The following RPS6KA5 variants were observed in gnomAD, a reference collection of about 807,000 sequenced individuals.
RPS6KA5 encodes the protein ribosomal protein S6 kinase A5, also known as ribosomal protein S6 kinase alpha-5.
RPS6KA5 carries 27 observed loss-of-function variants against 85.5 expected under a neutral mutation model. The ratio of observed to expected loss-of-function variants is 0.32; its 90% CI spans 0.23 to 0.44. The LOEUF (loss-of-function observed/expected upper bound fraction) is 0.44. Among genes scored for constraint, RPS6KA5 ranks in the 20% least tolerant of loss-of-function variants. The pLI is 1.00. For missense variants in RPS6KA5, 811 were observed against 980.9 expected (o/e 0.83, Z 2.31); for synonymous variants, 334 against 348.2 (o/e 0.96, Z 0.46).
At chr14:90,946,599 T>C (rs2037884554) in intron 4 of RPS6KA5, among the ~76,000 whole-genome samples, 1 of 152,162 alleles carries the variant, frequency 6.6e-6, no homozygotes, top group Non-Finnish European at 1.5e-5. Flanking sequence ...ATAATCAGCA[T>C]TTCAATCTCT....
rs955325566 is a variant in RPS6KA5, at chr14:90,857,158, G to C, written c.*14916C>G. The C allele has an allele frequency of 6.6e-6, 1 of 151,894 alleles. No individual in the cohort carries two copies. The highest frequency in any genetic ancestry group is 2.4e-5 in the African/African-American group (1 of 41,358). 9.4% of individuals were successfully genotyped at this position (151,894 alleles called of 1,614,324 possible). A position where few individuals can be genotyped will look rare whatever the true frequency, so the allele number is the denominator to read the frequency against. ...ACTGTTATCTCTGGAATACGTCTTTGTAATAAAAAAAAATCCACTGGATAA... is the reference window on the plus strand; with the variant it reads ...ACTGTTATCTCTGGAATACGTCTTTCTAATAAAAAAAAATCCACTGGATAA... On this transcript the variant is annotated 3_prime_UTR_variant, in exon 17 of 17. Coordinates refer to ENST00000614987, the MANE Select transcript of RPS6KA5 (RefSeq NM_004755.4).
intron 7 of RPS6KA5, among the ~76,000 whole-genome samples, chr14:90,918,109 T>C (rs2036217157): frequency 6.6e-6 from 1 of 152,226 alleles, no homozygotes. Context: ...AGAAATTGCC[T>C]ATTTTCCAAA....
Position 90,922,972 on chromosome 14 carries a change from A to C in RPS6KA5, c.702+141T>G, listed in dbSNP as rs949431897. ...ATATCATAATGTGTTCAGGAATACA[A>C]AGCAAAAGAGAAAAAAAGGAAGGTA... On this transcript the variant is annotated intron_variant, in intron 6 of 16. Coordinates refer to ENST00000614987, the MANE Select transcript of RPS6KA5 (RefSeq NM_004755.4). 1.3e-5 allele frequency: 8 copies of C among 621,060 alleles called. No homozygotes were observed. In the African/African-American group the frequency reaches 1.5e-4, roughly 11 times the overall value. The allele number at this position is 621,060 out of a possible 1,614,324, so 38.5% of individuals were successfully genotyped here.
At position 90,862,907 on chromosome 14, in the gene RPS6KA5, T is replaced by C. The variant is rs940664514; in HGVS notation, c.*9167A>G. 3 of 146,128 alleles carry C rather than the reference T, an allele frequency of 2.1e-5. No individual in the cohort carries two copies. Among genetic ancestry groups the C allele is most frequent in the Non-Finnish European group, 4.5e-5 (3 of 66,238 alleles). The allele number at this position is 146,128 out of a possible 1,614,324, so 9.1% of individuals were successfully genotyped here. ...AAAATTGAAGAATAAAGAAGAAAAATACAAGATTATCTCAACAGAGGCAGA... is the reference window on the plus strand; with the variant it reads ...AAAATTGAAGAATAAAGAAGAAAAACACAAGATTATCTCAACAGAGGCAGA... On this transcript the variant is annotated 3_prime_UTR_variant, in exon 17 of 17. Coordinates refer to ENST00000614987, the MANE Select transcript of RPS6KA5 (RefSeq NM_004755.4).
chr14:91,022,519 A>AG (rs1418534878), intron 1 of RPS6KA5, among the ~76,000 whole-genome samples: 1 of 152,206 alleles, frequency 6.6e-6, no homozygotes, highest in Non-Finnish European at 1.5e-5. Context: ...CAGTTAAAGC[A>AG]GAAAAAAAAG....
rs1188276502 is a variant in RPS6KA5, at chr14:90,923,356, T to C, written c.619-160A>G. 4.8e-6 allele frequency: 3 copies of C among 619,364 alleles called. No homozygotes were observed. The East Asian group carries it at 8.4e-5, about 17-fold the overall frequency. The allele number at this position is 619,364 out of a possible 1,614,324, so 38.4% of individuals were successfully genotyped here. On this transcript the variant is annotated intron_variant, in intron 5 of 16. Coordinates refer to ENST00000614987, the MANE Select transcript of RPS6KA5 (RefSeq NM_004755.4). ...CTCTTCACTGGAACAGACCACTGTC[T>C]ACATAATATGAGTCCTGGGTATATG...
intron 1 of RPS6KA5, among the ~76,000 whole-genome samples, chr14:91,018,040 G>T (rs1405884098): frequency 6.6e-6 from 1 of 152,162 alleles, no homozygotes; most frequent in Non-Finnish European, 1.5e-5. Context: ...AAAGTCAACA[G>T]AAAACTACAA....
chr14:90,898,879 CT>C (rs984825919), intron 12 of RPS6KA5, among the ~76,000 whole-genome samples: 1 of 152,218 alleles, frequency 6.6e-6, no homozygotes, highest in African/African-American at 2.4e-5. Context: ...TTGCTTTCTG[CT>C]TCCTATTTGT....
chr14:90,960,229 C>T (rs956583638), intron 3 of RPS6KA5, among the ~76,000 whole-genome samples: 3 of 152,124 alleles, frequency 2.0e-5, no homozygotes, highest in South Asian at 2.1e-4. Context: ...GATGTCTTTA[C>T]GCCTCTTTGT....
At chr14:91,015,360 A>G (rs1370536996) in intron 1 of RPS6KA5, among the ~76,000 whole-genome samples, 4 of 152,188 alleles carry the variant, frequency 2.6e-5, no homozygotes, top group African/African-American at 9.7e-5. Flanking sequence ...CAAAAATTTG[A>G]TAACTTGTGA....
intron 1 of RPS6KA5, among the ~76,000 whole-genome samples, chr14:91,016,311 A>G (rs1044117091): frequency 6.6e-6 from 1 of 152,134 alleles, no homozygotes; most frequent in African/African-American, 2.4e-5. Context: ...CCTGGGCTCA[A>G]GAGATCCTCC....
chr14:91,002,446 A>C (rs2040831791), intron 1 of RPS6KA5, among the ~76,000 whole-genome samples: 1 of 152,168 alleles, frequency 6.6e-6, no homozygotes, highest in Admixed American at 6.5e-5. Flanking sequence ...ATAGAATTTA[A>C]TGAGGATTAA....
At chr14:90,929,868 C>CT (rs200343859) in intron 5 of RPS6KA5, among the ~76,000 whole-genome samples, 4 of 151,726 alleles carry the variant, frequency 2.6e-5, no homozygotes, top group East Asian at 1.9e-4. Flanking sequence ...AAATGATAGG[C>CT]TTTTTTTTCT....
At chr14:90,945,179 C>T (rs1395053041) in intron 4 of RPS6KA5, among the ~76,000 whole-genome samples, 1 of 149,460 alleles carries the variant, frequency 6.7e-6, no homozygotes, top group Admixed American at 6.6e-5. Flanking sequence ...CTCAGTCAAG[C>T]AGGTTGAGGC....
chr14:90,959,869 C>G (rs1486947974), intron 3 of RPS6KA5, among the ~76,000 whole-genome samples: 1 of 152,138 alleles, frequency 6.6e-6, no homozygotes, highest in African/African-American at 2.4e-5. Flanking sequence ...ACCTTAAAGA[C>G]AGCATTATAA....
intron 4 of RPS6KA5, among the ~76,000 whole-genome samples, chr14:90,946,485 G>A (rs1320194282): frequency 1.3e-5 from 2 of 151,668 alleles, no homozygotes; most frequent in South Asian, 2.1e-4. Flanking sequence ...TTATTCTCAC[G>A]GCCTCACCCA....
At position 90,870,708 on chromosome 14, in the gene RPS6KA5, T is replaced by C. The variant is rs1056290544; in HGVS notation, c.*1366A>G. 3 of 152,176 alleles carry C rather than the reference T, an allele frequency of 2.0e-5. No homozygotes were observed. The highest frequency in any genetic ancestry group is 2.9e-5 in the Non-Finnish European group (2 of 67,938). The allele number at this position is 152,176 out of a possible 1,614,324, so 9.4% of individuals were successfully genotyped here. A position where few individuals can be genotyped will look rare whatever the true frequency, so the allele number is the denominator to read the frequency against. The stretch of plus-strand genomic sequence containing the variant: ...ATGTTGGGCATTATCTCTTTAAGCA[T>C]GATTCCTGTAAACAAAGCAAAAAAA... On this transcript the variant is annotated 3_prime_UTR_variant, in exon 17 of 17. Transcript: ENST00000614987.
At chr14:91,028,236 GA>G (rs1192451278) in intron 1 of RPS6KA5, among the ~76,000 whole-genome samples, 1 of 151,840 alleles carries the variant, frequency 6.6e-6, no homozygotes, top group Non-Finnish European at 1.5e-5. Context: ...AAATTTACAT[GA>G]TTTTTTTTTT....
chr14:90,978,655 C>A, intron 2 of RPS6KA5, 131 bp from the exon 3 acceptor site: 2 of 626,042 alleles, frequency 3.2e-6, no homozygotes, highest in Non-Finnish European at 5.3e-6. Context: ...GGTACCAGTT[C>A]AAATAGTTAT....
Sources: allele counts gnomAD v4.1 joint callset (sites outside exome capture counted in the v4.1 genomes callset), GRCh38; gene constraint gnomAD v4.1.1; transcripts MANE v1.5; gene names NCBI Gene and HGNC (gene_info 2026-07-23, HGNC 2026-07-21).